The following PDSS1 variants were observed in gnomAD, a reference collection of about 807,000 sequenced individuals.
PDSS1 encodes the protein decaprenyl diphosphate synthase subunit 1, also known as all trans-polyprenyl-diphosphate synthase PDSS1.
PDSS1 carries 43 observed loss-of-function variants against 57.5 expected under a neutral mutation model. The ratio of observed to expected loss-of-function variants is 0.75; its 90% CI spans 0.59 to 0.96. The LOEUF is 0.96. Ranked by LOEUF, PDSS1 falls within the 50% of genes least tolerant of loss-of-function variation. The pLI, the probability that PDSS1 is intolerant of heterozygous loss-of-function variation, is 0.00. For missense variants in PDSS1, 438 were observed against 527.8 expected (o/e 0.83, Z 1.67); for synonymous variants, 175 against 191.3 (o/e 0.91, Z 0.70).
At chr10:26,723,524 C>T (rs1308440766) in intron 6 of PDSS1, among the ~76,000 whole-genome samples, 1 of 152,186 alleles carries the variant, frequency 6.6e-6, no homozygotes, top group Non-Finnish European at 1.5e-5. Context: ...ACATGGTCAT[C>T]TCTGAGAGCC....
intron 6 of PDSS1, among the ~76,000 whole-genome samples, chr10:26,722,173 G>T (rs895969707): frequency 6.6e-6 from 1 of 152,166 alleles, no homozygotes; most frequent in Non-Finnish European, 1.5e-5. Context: ...AATGATGTAG[G>T]GGCTGGGTCG....
chr10:26,714,504 A>T (rs117190266), intron 5 of PDSS1: 1 of 151,688 alleles, frequency 6.6e-6, no homozygotes, highest in African/African-American at 2.4e-5. Flanking sequence ...GAGCTTTATG[A>T]TAGATTTCTA....
At chr10:26,725,934 A>G (rs1246796475) in intron 8 of PDSS1, among the ~76,000 whole-genome samples, 1 of 152,220 alleles carries the variant, frequency 6.6e-6, no homozygotes, top group Non-Finnish European at 1.5e-5. Context: ...TGTTTAAAAA[A>G]TAAAGTCTTA....
At chr10:26,740,956 T>C in intron 10 of PDSS1, 1 of 237,812 alleles carries the variant, frequency 4.2e-6, no homozygotes, top group South Asian at 5.3e-5. Context: ...GTTCCTTTTT[T>C]ACCTATTTTT....
chr10:26,723,704 G>GC, intron 6 of PDSS1, 102 bp from the exon 7 acceptor site: 1 of 811,486 alleles, frequency 1.2e-6, no homozygotes. Flanking sequence ...TCCAAGATGA[G>GC]CCCCCACTTC....
At position 26,705,406 on chromosome 10, in the gene PDSS1, A is replaced by G. The variant is rs1201436274; in HGVS notation, c.336+12A>G. The stretch of plus-strand genomic sequence containing the variant: ...AGGACATTAGAAAGGTGAGTTTTTT[A>G]TTCTGCTGTGATGTAATGTTTTAGC... On this transcript the variant is annotated intron_variant, in intron 4 of 11. Coordinates refer to ENST00000376215, the MANE Select transcript of PDSS1 (RefSeq NM_014317.5). The G allele has an allele frequency of 7.7e-7, 1 of 1,303,900 alleles. No homozygotes were observed. Among genetic ancestry groups the G allele is most frequent in the Non-Finnish European group, 1.1e-6 (1 of 900,188 alleles). 80.8% of individuals were successfully genotyped at this position (1,303,900 alleles called of 1,614,324 possible).
chr10:26,739,592 T>C (rs1836516678), intron 10 of PDSS1, among the ~76,000 whole-genome samples: 1 of 152,220 alleles, frequency 6.6e-6, no homozygotes, highest in Non-Finnish European at 1.5e-5. Flanking sequence ...TTGCTGGTAC[T>C]GTAGAAAAAG....
chr10:26,720,443 T>C, intron 6 of PDSS1, 84 bp downstream of exon 6: 1 of 927,314 alleles, frequency 1.1e-6, no homozygotes, highest in Non-Finnish European at 1.8e-6. Context: ...TTTGTCTCAT[T>C]AAAAATATGC....
chr10:26,742,682 CTGTT>C (rs1219508518), intron 11 of PDSS1, 105 bp downstream of exon 11: 19 of 733,408 alleles, frequency 2.6e-5, no homozygotes, highest in Non-Finnish European at 3.6e-5. Flanking sequence ...AGATACAAGA[CTGTT>C]TGGTCAACTC....
chr10:26,705,456 T>C (rs1835181744), intron 4 of PDSS1, 62 bp downstream of exon 4: 1 of 655,700 alleles, frequency 1.5e-6, no homozygotes, highest in Non-Finnish European at 2.5e-6. Flanking sequence ...TAAAATTTTA[T>C]TTTATTTTTT....
At position 26,720,222 on chromosome 10, in the gene PDSS1, G is replaced by A. The variant is rs1419746832; in HGVS notation, c.472G>A (p.Val158Met). The A allele has an allele frequency of 6.2e-7, 1 of 1,612,682 alleles. No individual in the cohort carries two copies. The highest frequency in any genetic ancestry group is 8.5e-7 in the Non-Finnish European group (1 of 1,179,974). ...GCATTGCTTTCTGTTAATTAGACAT[G>A]TGCAAGCCAGCCAGCGCGCCATAGC... is the stretch of plus-strand genomic sequence containing the variant. Reference protein sequence around the residue: ...CNIHHNNSRHVQASQRAIALI... With the variant: ...CNIHHNNSRHMQASQRAIALI... Residue 158 changes from valine (V) to methionine (M), a missense_variant, in exon 6 of 12, where the codon GTG (valine) becomes ATG (methionine). Physicochemically the swap from Val to Met is conservative, Grantham distance 21 (BLOSUM62 1). Transcript: ENST00000376215.
intron 10 of PDSS1, 68 bp from the exon 11 acceptor site, chr10:26,742,429 G>A: frequency 8.7e-7 from 1 of 1,142,900 alleles, no homozygotes; most frequent in Non-Finnish European, 1.3e-6. Context: ...ACAAACTAGT[G>A]TTAGAACACT....
At chr10:26,739,901 T>C (rs372876435) in intron 10 of PDSS1, among the ~76,000 whole-genome samples, 3 of 152,082 alleles carry the variant, frequency 2.0e-5, no homozygotes, top group East Asian at 3.9e-4. Context: ...TGGGAGGCAC[T>C]TTGGGAGGCC....
chr10:26,740,547 A>G, intron 10 of PDSS1: 2 of 445,504 alleles, frequency 4.5e-6, no homozygotes, highest in African/African-American at 2.0e-5. Flanking sequence ...TTTGTCTGTG[A>G]TCACTTGGCT....
At chr10:26,723,685 A>C in intron 6 of PDSS1, 121 bp from the exon 7 acceptor site, 1 of 770,608 alleles carries the variant, frequency 1.3e-6, no homozygotes, top group Non-Finnish European at 2.4e-6. Context: ...GAAGGTAAAA[A>C]ACCCTGCATC....
At chr10:26,744,972 T>C (rs1316161150) in intron 11 of PDSS1, among the ~76,000 whole-genome samples, 1 of 151,846 alleles carries the variant, frequency 6.6e-6, no homozygotes, top group Non-Finnish European at 1.5e-5. Context: ...GAGACCAGCC[T>C]GGCCAACATG....
At chr10:26,743,386 A>T (rs551239064) in intron 11 of PDSS1, among the ~76,000 whole-genome samples, 1 of 152,370 alleles carries the variant, frequency 6.6e-6, no homozygotes, top group African/African-American at 2.4e-5. Flanking sequence ...TACCTGAAAG[A>T]CTTCCAAATA....
Position 26,720,205 on chromosome 10 carries a change from T to C in PDSS1, c.468-13T>C. On this transcript the variant is annotated splice_polypyrimidine_tract_variant and intron_variant, in intron 5 of 11. Transcript: ENST00000376215. ...GCGGCGTCTGTTAAAAAGCATTGCT[T>C]TCTGTTAATTAGACATGTGCAAGCC... The C allele has an allele frequency of 6.2e-7, 1 of 1,612,492 alleles. No homozygotes were observed. The highest frequency in any genetic ancestry group is 8.5e-7 in the Non-Finnish European group (1 of 1,179,990).
chr10:26,724,052 G>C lies in PDSS1; in HGVS notation c.760G>C (p.Glu254Gln), dbSNP rs145758711. 1.3e-4 allele frequency: 211 copies of C among 1,614,130 alleles called. 2 individuals are homozygous for C. The African/African-American group carries it at 2.4e-3, about 18-fold the overall frequency. Residue 254 changes from glutamate to glutamine, a missense_variant, in exon 8 of 12, where the codon GAA (glutamate) becomes CAA (glutamine). This residue lies in a region of PDSS1 where 284 missense variants were observed against 390.7 expected (regional missense o/e 0.73). Coordinates refer to ENST00000376215, the MANE Select transcript of PDSS1 (RefSeq NM_014317.5). ...GCTCGGGTCAAAAGAAAATGAGAAT[G>C]AAAGATTTGCACACTACCTTGAGAA... ...LQLGSKENEN[E>Q]RFAHYLEKTF...
Sources: allele counts gnomAD v4.1 joint callset (sites outside exome capture counted in the v4.1 genomes callset), GRCh38; gene constraint gnomAD v4.1.1; regional missense constraint gnomAD v4.1.1; transcripts MANE v1.5; gene names NCBI Gene and HGNC (gene_info 2026-07-23, HGNC 2026-07-21).